Variants in DCLK1 observed in about 807,000 individuals in gnomAD.
DCLK1 encodes the protein serine/threonine-protein kinase DCLK1.
Under a neutral mutation model 86.2 loss-of-function variants are expected in DCLK1, and 16 were observed. The ratio of observed to expected loss-of-function variants is 0.19; its 90% CI spans 0.13 to 0.28. The LOEUF (loss-of-function observed/expected upper bound fraction) is 0.28, where lower values mean the gene tolerates loss of function less well. Ranked by LOEUF, DCLK1 falls within the 10% of genes least tolerant of loss-of-function variation. The pLI, the probability that DCLK1 is intolerant of heterozygous loss-of-function variation, is 1.00. For synonymous variants in DCLK1, 369 were observed against 370.5 expected (o/e 1.00, Z 0.05); for missense variants, 590 against 940.2 (o/e 0.63, Z 4.87).
At chr13:35,996,462 T>C (rs989708871) in intron 3 of DCLK1, among the ~76,000 whole-genome samples, 4 of 152,142 alleles carry the variant, frequency 2.6e-5, no homozygotes, top group Non-Finnish European at 5.9e-5. Context: ...TTAGATGAGA[T>C]TAACATTTAA....
At chr13:35,895,686 A>T (rs1014299603) in intron 4 of DCLK1, among the ~76,000 whole-genome samples, 2 of 152,128 alleles carry the variant, frequency 1.3e-5, no homozygotes, top group African/African-American at 4.8e-5. Flanking sequence ...CCTATTTTAT[A>T]AAAAAACTAA....
intron 5 of DCLK1, chr13:35,869,059 G>T: frequency 2.0e-6 from 1 of 493,354 alleles, no homozygotes; most frequent in East Asian, 5.7e-5. Flanking sequence ...CCAAAGTTCT[G>T]GGATTACAGG....
intron 3 of DCLK1, among the ~76,000 whole-genome samples, chr13:35,993,599 A>G (rs1242904080): frequency 1.3e-5 from 2 of 152,012 alleles, no homozygotes; most frequent in African/African-American, 4.8e-5. Flanking sequence ...GCATCTACAC[A>G]TTGGGGGATG....
chr13:36,126,457 T>C (rs1441396589), intron 1 of DCLK1, among the ~76,000 whole-genome samples: 1 of 152,066 alleles, frequency 6.6e-6, no homozygotes, highest in Non-Finnish European at 1.5e-5. Context: ...GTGATGAGGG[T>C]CTTGTTTTAT....
At chr13:35,800,764 C>T (rs1241111167) in intron 15 of DCLK1, among the ~76,000 whole-genome samples, 2 of 152,098 alleles carry the variant, frequency 1.3e-5, no homozygotes, top group Non-Finnish European at 2.9e-5. Flanking sequence ...ATCACCCAGG[C>T]TGGAGTGCAG....
chr13:36,093,719 C>T, intron 3 of DCLK1, among the ~76,000 whole-genome samples: 1 of 151,956 alleles, frequency 6.6e-6, no homozygotes, highest in South Asian at 2.1e-4. Flanking sequence ...CTCTCAAATA[C>T]CCTAAGGAAT....
intron 2 of DCLK1, among the ~76,000 whole-genome samples, chr13:36,123,126 T>C (rs1161081911): frequency 1.3e-5 from 2 of 152,174 alleles, no homozygotes; most frequent in Non-Finnish European, 2.9e-5. Context: ...ATCATCATAT[T>C]GGAAGGGGAA....
chr13:35,912,067 C>T (rs988443839), intron 4 of DCLK1, among the ~76,000 whole-genome samples: 2 of 151,986 alleles, frequency 1.3e-5, no homozygotes, highest in African/African-American at 2.4e-5. Flanking sequence ...TTTCATACAG[C>T]GCCTGCCCCA....
At chr13:36,063,450 T>C (rs1370044002) in intron 3 of DCLK1, among the ~76,000 whole-genome samples, 1 of 152,070 alleles carries the variant, frequency 6.6e-6, no homozygotes. Context: ...TTTCAAAATA[T>C]ATAAGAGAAA....
chr13:35,897,521 G>T (rs1362817524), intron 4 of DCLK1, among the ~76,000 whole-genome samples: 4 of 152,164 alleles, frequency 2.6e-5, no homozygotes, highest in Non-Finnish European at 2.9e-5. Context: ...CGTTGCTTGG[G>T]CTATGGCAAG....
At chr13:35,828,799 C>T (rs185963104) in intron 8 of DCLK1, among the ~76,000 whole-genome samples, 1 of 152,274 alleles carries the variant, frequency 6.6e-6, no homozygotes, top group Non-Finnish European at 1.5e-5. Context: ...CCGCCCTTCC[C>T]CTTTCCTCAA....
At chr13:35,775,915 TAATAAAGA>T (rs1406366340) in intron 16 of DCLK1, among the ~76,000 whole-genome samples, 1 of 152,092 alleles carries the variant, frequency 6.6e-6, no homozygotes, top group African/African-American at 2.4e-5. Context: ...CAAAATGAAG[TAATAAAGA>T]GATAAAGAGA....
intron 4 of DCLK1, among the ~76,000 whole-genome samples, chr13:35,874,534 C>T (rs1872483826): frequency 6.6e-6 from 1 of 152,162 alleles, no homozygotes; most frequent in Non-Finnish European, 1.5e-5. Flanking sequence ...ACAGAGCCTG[C>T]CCAGTCTTCC....
intron 3 of DCLK1, among the ~76,000 whole-genome samples, chr13:35,978,266 T>C (rs1879457422): frequency 6.9e-6 from 1 of 145,688 alleles, no homozygotes; most frequent in African/African-American, 2.6e-5. Flanking sequence ...AGTGCAGTAG[T>C]ACGATCTCGG....
intron 13 of DCLK1, among the ~76,000 whole-genome samples, 181 bp from the exon 14 acceptor site, chr13:35,808,501 G>A (rs909030567): frequency 6.6e-6 from 1 of 152,182 alleles, no homozygotes; most frequent in South Asian, 2.1e-4. Context: ...AGAGTTTTTG[G>A]GCCGGGTGCG....
intron 3 of DCLK1, among the ~76,000 whole-genome samples, chr13:36,110,989 C>G (rs7981075): frequency 0.11 from 16,504 of 151,844 alleles, 1,432 homozygotes; most frequent in South Asian, 0.29. Context: ...CACCACCACA[C>G]CCAGGTAATT....
chr13:35,913,894 T>A (rs1566599888), intron 4 of DCLK1, among the ~76,000 whole-genome samples: 1 of 152,376 alleles, frequency 6.6e-6, no homozygotes, highest in East Asian at 1.9e-4. Flanking sequence ...AACCAAGTGC[T>A]GTCTACCTGA....
intron 3 of DCLK1, among the ~76,000 whole-genome samples, chr13:36,097,849 C>T (rs76060206): frequency 6.6e-6 from 1 of 150,582 alleles, no homozygotes; most frequent in East Asian, 1.9e-4. Flanking sequence ...AGCATTCTTA[C>T]CAAAAAAAAA....
rs1374661488 is a variant in DCLK1 at position 35,954,921 on chromosome 13, A to C, written c.724-7464T>G. Among the ~76,000 whole-genome samples, 5 of 152,306 alleles carry C rather than the reference A, an allele frequency of 3.3e-5. No homozygotes were observed. In the South Asian group the frequency reaches 1.0e-3, roughly 32 times the overall value. On this transcript the variant is annotated intron_variant, in intron 3 of 16. Coordinates refer to ENST00000360631, the MANE Select transcript of DCLK1 (RefSeq NM_001330071.2). Reference sequence around the variant, plus strand: ...AACTAACAGGCTGATGCTTAAAGAAATAGAAAAAGGAAAAGTTCTCCTTTG... The same window carrying C: ...AACTAACAGGCTGATGCTTAAAGAACTAGAAAAAGGAAAAGTTCTCCTTTG...
Sources: gnomAD v4.1 joint callset for allele counts (sites outside exome capture counted in the v4.1 genomes callset) on GRCh38, gnomAD v4.1.1 for gene constraint, MANE v1.5 for transcripts, NCBI Gene and HGNC (gene_info 2026-07-23, HGNC 2026-07-21) for gene names.